CGREF1: variants seen among roughly 807,000 people sequenced by gnomAD.
The protein encoded by CGREF1 is cell growth regulator with EF-hand domain 1, also known as cell growth regulator with EF hand domain protein 1.
CGREF1 carries 16 observed loss-of-function variants against 17.4 expected under a neutral mutation model. The observed-to-expected ratio is 0.92, with a 90% CI of 0.62 to 1.40. The LOEUF is 1.40. CGREF1 is among the 40% of genes most tolerant of loss of function. CGREF1 has a pLI of 0.00. For synonymous variants in CGREF1, 142 were observed against 154.6 expected (o/e 0.92, Z 0.61); for missense variants, 296 against 376.4 (o/e 0.79, Z 1.77).
intron 1 of CGREF1, among the ~76,000 whole-genome samples, chr2:27,107,557 C>T (rs1671172633): frequency 6.6e-6 from 1 of 150,712 alleles, no homozygotes; most frequent in Non-Finnish European, 1.5e-5. Context: ...CCGGCCAGTT[C>T]ACATGTTTTA....
chr2:27,102,993 G>A (rs1670966217), intron 2 of CGREF1: 3 of 985,348 alleles, frequency 3.0e-6, no homozygotes, highest in African/African-American at 3.5e-5. Context: ...TGGTGGCACT[G>A]CCCAGTTTTA....
chr2:27,111,132 C>G (rs1299682840), intron 1 of CGREF1, among the ~76,000 whole-genome samples: 1 of 152,206 alleles, frequency 6.6e-6, no homozygotes, highest in East Asian at 1.9e-4. Flanking sequence ...TGCTTTTATT[C>G]TCTTATCCGG....
rs1259106800 is a variant in CGREF1, at chr2:27,116,923, C to CTCTT, written c.-12+1922_-12+1923insAAGA. 1.5e-3 allele frequency among the ~76,000 whole-genome samples: 81 copies of CTCTT among 52,994 alleles called. 2 individuals carry two copies. The highest frequency in any genetic ancestry group is 1.8e-3 in the African/African-American group (19 of 10,312). The allele number at this position is 52,994 out of a possible 152,430, so 34.8% of individuals were successfully genotyped here. On this transcript the variant is annotated intron_variant, in intron 1 of 5. Transcript: ENST00000402394. ...TCTCTCTCTCTCTCTCTCTCTCTCT[C>CTCTT]TTTTTTTGAGACAGAGTCTCGCTCT...
rs1441978165 is a variant in CGREF1, at chr2:27,104,362, A to G, written c.5T>C (p.Leu2Ser). The G allele has an allele frequency of 5.0e-6, 8 of 1,612,942 alleles. No homozygotes were observed. The highest frequency in any genetic ancestry group is 6.8e-6 in the Non-Finnish European group (8 of 1,179,406). ...GATTAACACTGTCATCGTCAAAGGT[A>G]ACATCCTTCCTGGAACTGGAACAAG... M[L>S]PLTMTVLILL... The change falls in exon 2 of 6, where the codon TTA becomes TCA. Residue 2 changes from leucine (L) to serine (S), a missense_variant. Leu to Ser is a moderately radical substitution (Grantham distance 145). Around this residue, in one of 3 missense-constraint regions of CGREF1, gnomAD observed 247 missense variants for 267.2 expected, o/e 0.92. Coordinates refer to ENST00000402394, the MANE Select transcript of CGREF1 (RefSeq NM_006569.6).
chr2:27,102,497 T>TTTCA (rs763160017), intron 3 of CGREF1, 29 bp downstream of exon 3: 1 of 1,613,834 alleles, frequency 6.2e-7, no homozygotes, highest in Non-Finnish European at 8.5e-7. Flanking sequence ...GTCTTCTCCC[T>TTTCA]GAAAGCACCC....
chr2:27,113,091 A>T (rs566001377), intron 1 of CGREF1, among the ~76,000 whole-genome samples: 4 of 151,258 alleles, frequency 2.6e-5, no homozygotes, highest in South Asian at 4.2e-4. Context: ...CAGCTGAAGG[A>T]GGGTCTGGGT....
At chr2:27,104,870 ACAAAT>A (rs1477310948) in intron 1 of CGREF1, 1 of 1,332,410 alleles carries the variant, frequency 7.5e-7, no homozygotes, top group East Asian at 2.6e-5. Flanking sequence ...CCACTGAAGA[ACAAAT>A]CAAAAGAGGC....
chr2:27,101,407 TCCCCTCTGGGCCCGGGGGC>T lies in CGREF1; in HGVS notation c.805_823del (p.Ala269LysfsTer47). 5.7e-6 allele frequency: 9 copies of T among 1,569,394 alleles called. No homozygotes were observed. Among genetic ancestry groups the T allele is most frequent in the Non-Finnish European group, 4.3e-6 (5 of 1,154,492 alleles). On this transcript the variant is annotated frameshift_variant, in exon 6 of 6. Coordinates refer to ENST00000402394, the MANE Select transcript of CGREF1 (RefSeq NM_006569.6). LOFTEE classifies it low-confidence loss of function (END_TRUNC). Reference sequence around the variant, plus strand: ...CCTGGCCTCTGCCTGGCCCCCAGCTTCCCCTCTGGGCCCGGGGGCATCTCCTTCAGCCTCTGCCTGGCCC... The same window carrying T: ...CCTGGCCTCTGCCTGGCCCCCAGCTTATCTCCTTCAGCCTCTGCCTGGCCC...
intron 1 of CGREF1, among the ~76,000 whole-genome samples, chr2:27,112,291 A>G (rs1432608367): frequency 3.3e-5 from 5 of 152,136 alleles, no homozygotes; most frequent in Non-Finnish European, 5.9e-5. Context: ...AAAATAAACC[A>G]AAGACTAAAA....
intron 2 of CGREF1, among the ~76,000 whole-genome samples, chr2:27,103,881 G>T (rs890511667): frequency 2.0e-5 from 3 of 152,100 alleles, no homozygotes; most frequent in Non-Finnish European, 4.4e-5. Flanking sequence ...TACTCGGGAG[G>T]CTGAGGCAGA....
chr2:27,104,794 T>A (rs1319258431), intron 1 of CGREF1: 24 of 1,459,856 alleles, frequency 1.6e-5, no homozygotes, highest in Non-Finnish European at 9.0e-7. Flanking sequence ...ACGCAGGGAG[T>A]CACAAAAAGA....
rs1235626668 is a variant in CGREF1 at position 27,107,827 on chromosome 2, G to T, written c.-11-3450C>A. 1.3e-5 allele frequency among the ~76,000 whole-genome samples: 2 copies of T among 150,084 alleles called. 1 individual carries two copies. The highest frequency in any genetic ancestry group is 4.0e-4 in the East Asian group (2 of 5,020). ...TGGGCACCTGTAATCCCAGCTACTC[G>T]GGAGGCTGAGGCAGAAGAATCACTT... On this transcript the variant is annotated intron_variant, in intron 1 of 5. Transcript: ENST00000402394.
At chr2:27,104,447 T>A (rs1472572075) in intron 1 of CGREF1, 70 bp from the exon 2 acceptor site, 1 of 1,580,434 alleles carries the variant, frequency 6.3e-7, no homozygotes, top group African/African-American at 1.3e-5. Flanking sequence ...ATGGGCTGGG[T>A]TAGACACAAG....
At chr2:27,105,699 G>C (rs866202847) in intron 1 of CGREF1, among the ~76,000 whole-genome samples, 1 of 151,942 alleles carries the variant, frequency 6.6e-6, no homozygotes, top group South Asian at 2.1e-4. Context: ...GGCAACTGCC[G>C]CCACACCTGG....
intron 1 of CGREF1, among the ~76,000 whole-genome samples, chr2:27,109,901 A>AAAG (rs1558462944): frequency 7.3e-6 from 1 of 136,158 alleles, no homozygotes; most frequent in Non-Finnish European, 1.6e-5. Context: ...AAAAAAAAAA[A>AAAG]AAAAAAAAAA....
Sources: allele counts gnomAD v4.1 joint callset (sites outside exome capture counted in the v4.1 genomes callset), GRCh38; gene constraint gnomAD v4.1.1; regional missense constraint gnomAD v4.1.1; transcripts MANE v1.5; gene names NCBI Gene and HGNC (gene_info 2026-07-23, HGNC 2026-07-21).